The following SNTG2 variants were observed in gnomAD, a reference collection of about 807,000 sequenced individuals.
The protein encoded by SNTG2 is syntrophin gamma 2.
A neutral mutation model predicts 70.9 loss-of-function variants in SNTG2; 74 were observed. That is an observed-to-expected ratio of 1.04 (90% confidence interval 0.86 to 1.27). The LOEUF (loss-of-function observed/expected upper bound fraction) is 1.27, where lower values mean the gene tolerates loss of function less well. Ranked by LOEUF, SNTG2 falls within the 50% of genes most tolerant of loss-of-function variation. The pLI is 0.00. For missense variants in SNTG2, 717 were observed against 690.7 expected, an observed-to-expected ratio of 1.04 and a Z score of -0.43; for synonymous variants, 278 against 273.8, an observed-to-expected ratio of 1.02 and a Z score of -0.15.
intron 7 of SNTG2, among the ~76,000 whole-genome samples, 190 bp downstream of exon 7, chr2:1,165,825 G>A (rs546802180): frequency 1.3e-5 from 2 of 152,248 alleles, no homozygotes; most frequent in East Asian, 1.9e-4. Context: ...ACACATCCAC[G>A]GGCTTTTTTG....
chr2:1,139,849 A>T (rs1417063201), intron 6 of SNTG2, among the ~76,000 whole-genome samples: 8 of 124,570 alleles, frequency 6.4e-5, no homozygotes, highest in Non-Finnish European at 1.7e-5. Context: ...AAAAAAAAAA[A>T]AATCCTAGTA....
intron 6 of SNTG2, among the ~76,000 whole-genome samples, chr2:1,138,175 G>A (rs571578757): frequency 9.8e-5 from 15 of 152,326 alleles, no homozygotes; most frequent in East Asian, 1.9e-4. Flanking sequence ...GGGTCTCCCC[G>A]TACCGCCCGG....
intron 7 of SNTG2, among the ~76,000 whole-genome samples, chr2:1,170,806 A>G (rs547094697): frequency 1.3e-5 from 2 of 152,240 alleles, no homozygotes; most frequent in South Asian, 4.1e-4. Flanking sequence ...TTATACCACC[A>G]TGAGCATCCG....
At position 1,173,121 on chromosome 2, in the gene SNTG2, A is replaced by C; in HGVS notation, c.529A>C (p.Ser177Arg). ...CCCAGGGCCATCCAGCGACCACAGC[A>C]GTGGGGCCTCCTCTCCCCTCTTTGA... is the stretch of plus-strand genomic sequence containing the variant. ...GSPGPSSDHS[S>R]GASSPLFDSG... Residue 177 changes from serine (S) to arginine (R), a missense_variant, in exon 8 of 17, where the codon AGT becomes CGT. Ser to Arg is a moderately radical substitution (Grantham distance 110). Coordinates refer to ENST00000308624, the MANE Select transcript of SNTG2 (RefSeq NM_018968.4). The C allele has an allele frequency of 6.2e-7, 1 of 1,614,028 alleles. No individual in the cohort carries two copies. Among genetic ancestry groups the C allele is most frequent in the Non-Finnish European group, 8.5e-7 (1 of 1,179,890 alleles).
At chr2:1,178,743 A>G (rs1671652729) in intron 8 of SNTG2, among the ~76,000 whole-genome samples, 1 of 151,826 alleles carries the variant, frequency 6.6e-6, no homozygotes. Flanking sequence ...ATGTTCATCA[A>G]GGATATTGGT....
chr2:1,044,931 T>G (rs571391366), intron 1 of SNTG2, among the ~76,000 whole-genome samples: 1 of 152,290 alleles, frequency 6.6e-6, no homozygotes, highest in East Asian at 1.9e-4. Context: ...TGCCTCAATT[T>G]TTTTGGAATA....
chr2:1,171,784 C>A (rs192133641), intron 7 of SNTG2, among the ~76,000 whole-genome samples: 1 of 152,238 alleles, frequency 6.6e-6, no homozygotes, highest in Admixed American at 6.5e-5. Flanking sequence ...AAATATGAGT[C>A]TTTGTAGATA....
chr2:997,734 A>C (rs1031338642), intron 1 of SNTG2, among the ~76,000 whole-genome samples: 4 of 152,344 alleles, frequency 2.6e-5, no homozygotes, highest in Admixed American at 1.3e-4. Context: ...TGGGGAGCCC[A>C]GGCCACCGGG....
intron 1 of SNTG2, among the ~76,000 whole-genome samples, chr2:973,016 CCT>C (rs10536181): frequency 0.069 from 10,511 of 152,228 alleles, 636 homozygotes; most frequent in South Asian, 0.2. Context: ...ATATTTCTTA[CCT>C]CTCATATTTT....
chr2:1,083,973 G>A (rs138747673), intron 2 of SNTG2, among the ~76,000 whole-genome samples: 6 of 151,690 alleles, frequency 4.0e-5, no homozygotes, highest in East Asian at 1.9e-4. Flanking sequence ...TCCAGGAGGC[G>A]GAGGTTTCAG....
chr2:1,224,848 A>C (rs557578382), intron 9 of SNTG2, among the ~76,000 whole-genome samples: 1 of 152,314 alleles, frequency 6.6e-6, no homozygotes, highest in South Asian at 2.1e-4. Context: ...AAAGAATGGA[A>C]GCCGTGATAA....
intron 6 of SNTG2, among the ~76,000 whole-genome samples, chr2:1,141,108 A>T (rs1365190812): frequency 6.6e-6 from 1 of 152,210 alleles, no homozygotes; most frequent in Non-Finnish European, 1.5e-5. Flanking sequence ...GGGAAGCCCC[A>T]TTCACAGAAA....
At chr2:1,163,959 AC>A (rs988885496) in intron 6 of SNTG2, among the ~76,000 whole-genome samples, 1 of 152,152 alleles carries the variant, frequency 6.6e-6, no homozygotes, top group Non-Finnish European at 1.5e-5. Flanking sequence ...AGTCTTCAAA[AC>A]CCATTCAAGC....
chr2:1,134,089 G>A (rs1279249610), intron 4 of SNTG2, among the ~76,000 whole-genome samples: 5 of 152,024 alleles, frequency 3.3e-5, no homozygotes, highest in Non-Finnish European at 5.9e-5. Context: ...GGAGTTGTTG[G>A]TTCCTCCCTG....
rs1228794315 is a variant in SNTG2 at position 1,222,079 on chromosome 2, G to GTCTCTGTCTC, written c.719+12911_719+12920dup. 9.6e-4 allele frequency among the ~76,000 whole-genome samples: 14 copies of GTCTCTGTCTC among 14,594 alleles called. 2 individuals carry two copies. The East Asian group carries it at 0.01, about 10-fold the overall frequency. The allele number at this position is 14,594 out of a possible 152,430, so 9.6% of individuals were successfully genotyped here. On this transcript the variant is annotated intron_variant, in intron 9 of 16. Coordinates refer to ENST00000308624, the MANE Select transcript of SNTG2 (RefSeq NM_018968.4). ...TCTGTCTCTGTTTCTCTCTGTCTCTGTCTCTGTCTCTCTCTGTCTCTCTCT... is the reference window on the plus strand; with the variant it reads ...TCTGTCTCTGTTTCTCTCTGTCTCTGTCTCTGTCTCTCTCTGTCTCTCTCTGTCTCTCTCT...
chr2:1,043,828 G>C (rs1252234802), intron 1 of SNTG2, among the ~76,000 whole-genome samples: 4 of 152,188 alleles, frequency 2.6e-5, no homozygotes, highest in African/African-American at 9.7e-5. Context: ...TTGTAGTATA[G>C]TTAGAAGTCA....
chr2:1,225,184 A>G (rs1209432842), intron 9 of SNTG2, among the ~76,000 whole-genome samples: 1 of 152,196 alleles, frequency 6.6e-6, no homozygotes, highest in Admixed American at 6.5e-5. Flanking sequence ...CATCTTTAAC[A>G]TTATAACAAC....
intron 11 of SNTG2, among the ~76,000 whole-genome samples, chr2:1,242,342 T>G (rs1158937779): frequency 1.3e-5 from 2 of 152,068 alleles, no homozygotes; most frequent in Non-Finnish European, 2.9e-5. Context: ...TCAAAAAAAT[T>G]TATGTGAAAG....
chr2:1,232,447 G>C (rs572729258), intron 9 of SNTG2, among the ~76,000 whole-genome samples: 1 of 152,100 alleles, frequency 6.6e-6, no homozygotes, highest in South Asian at 2.1e-4. Context: ...CTACAGGCCC[G>C]CCACCATGCC....
Sources: allele counts gnomAD v4.1 joint callset (sites outside exome capture counted in the v4.1 genomes callset), GRCh38; gene constraint gnomAD v4.1.1; transcripts MANE v1.5; gene names NCBI Gene and HGNC (gene_info 2026-07-23, HGNC 2026-07-21).